The following CYFIP2 variants were observed in gnomAD, a reference collection of about 807,000 sequenced individuals.
CYFIP2 encodes cytoplasmic FMR1 interacting protein 2, also known as cytoplasmic FMR1-interacting protein 2.
Under a neutral mutation model 158.7 loss-of-function variants are expected in CYFIP2, and 29 were observed. The observed-to-expected ratio is 0.18, with a 90% confidence interval of 0.14 to 0.25. CYFIP2 has a LOEUF of 0.25. CYFIP2 is among the 10% of genes least tolerant of loss of function. The pLI is 1.00. For missense variants in CYFIP2, 852 were observed against 1,639.5 expected, an observed-to-expected ratio of 0.52 and a Z score of 8.29; for synonymous variants, 585 against 617.6, an observed-to-expected ratio of 0.95 and a Z score of 0.78.
chr5:157,384,171 G>A (rs771458543), intron 28 of CYFIP2: 10 of 404,506 alleles, frequency 2.5e-5, no homozygotes, highest in Admixed American at 1.6e-4. Flanking sequence ...AAACCAGTAC[G>A]AGTCACGATG....
At chr5:157,330,348 AT>A (rs376775292) in intron 19 of CYFIP2, among the ~76,000 whole-genome samples, 3 of 151,886 alleles carry the variant, frequency 2.0e-5, no homozygotes, top group African/African-American at 7.2e-5. Context: ...ATCTGAAATT[AT>A]TCCATTCCTC....
At chr5:157,291,795 T>A (rs188897478) in intron 3 of CYFIP2, among the ~76,000 whole-genome samples, 230 of 152,374 alleles carry the variant, frequency 1.5e-3, no homozygotes, top group Non-Finnish European at 2.9e-3. Context: ...TCTGCTGTTA[T>A]ACTAATAAGA....
intron 23 of CYFIP2, among the ~76,000 whole-genome samples, chr5:157,354,813 T>G (rs981093762): frequency 9.2e-5 from 14 of 152,126 alleles, no homozygotes; most frequent in Non-Finnish European, 2.1e-4. Context: ...AATACTATTC[T>G]CCGCCTCTGC....
chr5:157,304,120 C>A, intron 7 of CYFIP2, 118 bp from the exon 8 acceptor site: 2 of 1,303,470 alleles, frequency 1.5e-6, no homozygotes, highest in Non-Finnish European at 2.1e-6. Context: ...CTCCCTGGAG[C>A]TGTGATTCCT....
At chr5:157,343,019 TCCTC>T in intron 23 of CYFIP2, 1 of 1,614,176 alleles carries the variant, frequency 6.2e-7, no homozygotes, top group Non-Finnish European at 8.5e-7. Flanking sequence ...CTGCAGGTCT[TCCTC>T]CCTCTGACCA....
In CYFIP2 at chr5:157,307,853, T is replaced by C; in HGVS notation, c.888T>C (p.Asp296=). ...AKKRINLSKI[D]KFFKQLQVVP... ...AGAGAATTAATCTTAGCAAAATTGA[T>C]AAATTCTTTAAGGTCAGCAACTGGG... The change falls in exon 9 of 31, where the codon GAT becomes GAC. Residue 296 remains aspartate (D), a synonymous_variant. Transcript: ENST00000620254. 1.9e-6 allele frequency: 3 copies of C among 1,596,590 alleles called. No individual in the cohort carries two copies. The highest frequency in any genetic ancestry group is 2.6e-6 in the Non-Finnish European group (3 of 1,168,472).
At chr5:157,372,691 T>G (rs1049912010) in intron 26 of CYFIP2, among the ~76,000 whole-genome samples, 9 of 152,206 alleles carry the variant, frequency 5.9e-5, no homozygotes, top group Non-Finnish European at 8.8e-5. Flanking sequence ...CGAACTTGGC[T>G]GTGACTTACA....
At chr5:157,349,351 C>G (rs1327940643) in intron 23 of CYFIP2, among the ~76,000 whole-genome samples, 1 of 152,146 alleles carries the variant, frequency 6.6e-6, no homozygotes, top group Non-Finnish European at 1.5e-5. Flanking sequence ...AGCTCCCACT[C>G]AAGTGAGAAC....
intron 28 of CYFIP2, among the ~76,000 whole-genome samples, chr5:157,386,724 A>G (rs1253416536): frequency 6.6e-6 from 1 of 152,202 alleles, no homozygotes; most frequent in Non-Finnish European, 1.5e-5. Flanking sequence ...GTTCAAGACC[A>G]GCCTGGCCAA....
intron 1 of CYFIP2, among the ~76,000 whole-genome samples, chr5:157,278,576 C>T (rs1440972469): frequency 6.6e-6 from 1 of 152,154 alleles, no homozygotes; most frequent in African/African-American, 2.4e-5. Context: ...CTCAGAAACA[C>T]AGCAAAAATT....
chr5:157,278,035 T>G (rs534811318), intron 1 of CYFIP2, among the ~76,000 whole-genome samples: 14 of 152,298 alleles, frequency 9.2e-5, no homozygotes, highest in Middle Eastern at 3.4e-3. Flanking sequence ...TATAATCTTA[T>G]GGGAACACCA....
chr5:157,294,975 G>T, intron 4 of CYFIP2, 115 bp downstream of exon 4: 2 of 735,954 alleles, frequency 2.7e-6, no homozygotes, highest in South Asian at 4.6e-5. Flanking sequence ...GAGTAAAGCA[G>T]GTCCTCTTAT....
intron 3 of CYFIP2, among the ~76,000 whole-genome samples, chr5:157,291,243 A>G (rs959049748): frequency 1.1e-4 from 16 of 152,208 alleles, no homozygotes; most frequent in African/African-American, 3.9e-4. Context: ...AACACGAATG[A>G]TTCAGGCCAA....
intron 23 of CYFIP2, among the ~76,000 whole-genome samples, chr5:157,356,654 C>A (rs1763431322): frequency 6.6e-6 from 1 of 152,140 alleles, no homozygotes; most frequent in African/African-American, 2.4e-5. Context: ...GTATTCATCA[C>A]CTCCAGAGAG....
At chr5:157,299,695 G>C (rs1246004914) in intron 5 of CYFIP2, among the ~76,000 whole-genome samples, 1 of 152,178 alleles carries the variant, frequency 6.6e-6, no homozygotes, top group African/African-American at 2.4e-5. Flanking sequence ...GAGGTCAGGA[G>C]TTCGAGACCA....
chr5:157,335,900 A>G (rs1420573303), intron 21 of CYFIP2, among the ~76,000 whole-genome samples: 1 of 152,138 alleles, frequency 6.6e-6, no homozygotes, highest in East Asian at 1.9e-4. Flanking sequence ...GTGTGTCTCC[A>G]TGGCCTCTTC....
chr5:157,388,431 G>T (rs1250554535), intron 28 of CYFIP2, among the ~76,000 whole-genome samples: 2 of 152,156 alleles, frequency 1.3e-5, no homozygotes, highest in African/African-American at 4.8e-5. Context: ...AGTAACATAT[G>T]CTCATTGTAG....
At position 157,370,272 on chromosome 5, in the gene CYFIP2, GC is replaced by G. The variant is rs1764873808; in HGVS notation, c.3039+8676del. Among the ~76,000 whole-genome samples, 3 of 152,184 alleles carry G rather than the reference GC, an allele frequency of 2.0e-5. No homozygotes were observed. In the South Asian group the frequency reaches 6.2e-4, roughly 32 times the overall value. ...AGAAGCATTTTCTTGGACTAGAGCTGCCAGAGTCTTGACATTGATGCTTAGT... is the reference window on the plus strand; with the variant it reads ...AGAAGCATTTTCTTGGACTAGAGCTGCAGAGTCTTGACATTGATGCTTAGT... On this transcript the variant is annotated intron_variant, in intron 26 of 30. Coordinates refer to ENST00000620254, the MANE Select transcript of CYFIP2 (RefSeq NM_001037333.3).
Position 157,393,741 on chromosome 5 carries a change from CA to C in CYFIP2, c.*742del, listed in dbSNP as rs1767534622. ...CAAACAGGATGCTTTCAGGCCATCT[CA>C]GCTGCTTGATGGTGAGATGGTTCCC... On this transcript the variant is annotated 3_prime_UTR_variant, in exon 31 of 31. Coordinates refer to ENST00000620254, the MANE Select transcript of CYFIP2 (RefSeq NM_001037333.3). 6.6e-6 allele frequency: 1 copy of C among 152,242 alleles called. No individual in the cohort carries two copies. Among genetic ancestry groups the C allele is most frequent in the South Asian group, 2.1e-4 (1 of 4,828 alleles). The allele number at this position is 152,242 out of a possible 1,614,324, so 9.4% of individuals were successfully genotyped here. A position where few individuals can be genotyped will look rare whatever the true frequency, so the allele number is the denominator to read the frequency against.
Sources: allele counts gnomAD v4.1 joint callset (sites outside exome capture counted in the v4.1 genomes callset), GRCh38; gene constraint gnomAD v4.1.1; transcripts MANE v1.5; gene names NCBI Gene and HGNC (gene_info 2026-07-23, HGNC 2026-07-21).